RASSF3: variants seen among roughly 807,000 people sequenced by gnomAD.
RASSF3 encodes ras association domain-containing protein 3.
RASSF3 carries 19 observed loss-of-function variants against 19.9 expected under a neutral mutation model. The observed-to-expected ratio is 0.96, with a 90% CI of 0.67 to 1.40. The LOEUF is 1.40. Among genes scored for constraint, RASSF3 ranks in the 40% most tolerant of loss-of-function variants. RASSF3 has a pLI of 0.00. For missense variants in RASSF3, 306 were observed against 289.8 expected (o/e 1.06, Z -0.41); for synonymous variants, 110 against 104.2 (o/e 1.06, Z -0.34).
chr12:64,660,167 C>T (rs1189572127), intron 1 of RASSF3, among the ~76,000 whole-genome samples: 2 of 152,126 alleles, frequency 1.3e-5, no homozygotes, highest in African/African-American at 4.8e-5. Context: ...ATCCGCCCGC[C>T]TCTGCCTCAA....
intron 1 of RASSF3, among the ~76,000 whole-genome samples, chr12:64,644,465 A>G (rs902433150): frequency 2.0e-5 from 3 of 152,102 alleles, no homozygotes; most frequent in South Asian, 2.1e-4. Context: ...GGAGGCCGAG[A>G]TGGGCAGATC....
At position 64,684,875 on chromosome 12, in the gene RASSF3, A is replaced by T. The variant is rs768491580; in HGVS notation, c.200A>T (p.Asp67Val). The T allele has an allele frequency of 6.2e-7, 1 of 1,609,788 alleles. No individual in the cohort carries two copies. The highest frequency in any genetic ancestry group is 8.5e-7 in the Non-Finnish European group (1 of 1,176,176). ...CATAAATACAACTTAGCAGTCACAG[A>T]CAAGTTGAAGATGACCTTGGTAAGC... The part of the protein sequence containing the change: ...KVHKYNLAVT[D>V]KLKMTLNSNG... The change falls in exon 2 of 5, where the codon GAC (aspartate) becomes GTC (valine). Residue 67 changes from aspartate to valine, a missense_variant. Transcript: ENST00000542104.
chr12:64,610,202 T>C (rs1870285939), upstream of RASSF3, among the ~76,000 whole-genome samples: 1 of 152,034 alleles, frequency 6.6e-6, no homozygotes, highest in South Asian at 2.1e-4. Context: ...GCAGAGGAAT[T>C]TGCAGTTTCC....
intron 1 of RASSF3, among the ~76,000 whole-genome samples, chr12:64,675,046 C>CG (rs1565868121): frequency 1.5e-5 from 1 of 67,504 alleles, no homozygotes; most frequent in African/African-American, 7.4e-5. Flanking sequence ...ACCCACCTAG[C>CG]CCCCCCCCCC....
At chr12:64,625,944 G>A (rs548914007) in intron 1 of RASSF3, among the ~76,000 whole-genome samples, 2 of 152,204 alleles carry the variant, frequency 1.3e-5, no homozygotes, top group East Asian at 3.9e-4. Context: ...GAACCCGGTG[G>A]GAAACCTCTT....
At chr12:64,694,673 C>A in intron 4 of RASSF3, 90 bp from the exon 5 acceptor site, 2 of 1,411,030 alleles carry the variant, frequency 1.4e-6, no homozygotes, top group Non-Finnish European at 9.8e-7. Context: ...GAGGGGAGGG[C>A]AGCCGCACCT....
chr12:64,662,232 A>G (rs1362557265), intron 1 of RASSF3, among the ~76,000 whole-genome samples: 2 of 146,154 alleles, frequency 1.4e-5, no homozygotes, highest in Non-Finnish European at 3.0e-5. Flanking sequence ...CAGCCTGGTC[A>G]ACATGGTGAA....
intron 2 of RASSF3, among the ~76,000 whole-genome samples, chr12:64,563,951 T>A (rs557609992): frequency 3.9e-4 from 59 of 152,214 alleles, no homozygotes; most frequent in Non-Finnish European, 7.9e-4. Context: ...GCGAAGGGGC[T>A]CTGTCTGTTT....
chr12:64,637,616 G>C (rs1871367864), intron 1 of RASSF3, among the ~76,000 whole-genome samples: 1 of 151,500 alleles, frequency 6.6e-6, no homozygotes, highest in African/African-American at 2.4e-5. Flanking sequence ...TTTTAGTAGA[G>C]ACAGGGTTTC....
intron 1 of RASSF3, among the ~76,000 whole-genome samples, chr12:64,618,172 A>G (rs1870617573): frequency 6.6e-6 from 1 of 152,146 alleles, no homozygotes; most frequent in Non-Finnish European, 1.5e-5. Context: ...TGTTATTCAC[A>G]GGCATGATAA....
chr12:64,622,636 G>A (rs368872280), intron 1 of RASSF3: 5 of 357,952 alleles, frequency 1.4e-5, no homozygotes, highest in African/African-American at 8.9e-5. Context: ...GTAGAAAATT[G>A]TTGCTTAATC....
intron 2 of RASSF3, among the ~76,000 whole-genome samples, chr12:64,565,835 A>G (rs1869420629): frequency 6.6e-6 from 1 of 150,770 alleles, no homozygotes. Context: ...CTGAAGCGAG[A>G]TCTCGCCACT....
At chr12:64,684,746 T>G in intron 1 of RASSF3, 41 bp from the exon 2 acceptor site, 9 of 1,438,058 alleles carry the variant, frequency 6.3e-6, no homozygotes, top group Non-Finnish European at 6.9e-6. Context: ...GCACTTTTTT[T>G]TATGATTGCT....
At chr12:64,548,065 C>T (rs1869099293) in intron 2 of RASSF3, among the ~76,000 whole-genome samples, 1 of 152,076 alleles carries the variant, frequency 6.6e-6, no homozygotes, top group Non-Finnish European at 1.5e-5. Context: ...ACAATGTGAC[C>T]ATGTTTCCTG....
At chr12:64,597,141 T>TG (rs2136143367) in intron 2 of RASSF3, among the ~76,000 whole-genome samples, 1 of 151,574 alleles carries the variant, frequency 6.6e-6, no homozygotes, top group South Asian at 2.1e-4. Context: ...TATTTTTTAA[T>TG]TTTTTTCCTG....
chr12:64,688,405 A>G lies in RASSF3; in HGVS notation c.409A>G (p.Ser137Gly), dbSNP rs1465297099. 4 of 1,614,182 alleles carry G rather than the reference A, an allele frequency of 2.5e-6. No homozygotes were observed. In the Admixed American group the frequency reaches 6.7e-5, roughly 27 times the overall value. ...GCTCAAAAAGTTTCTCGTGACTGAG[A>G]GCCCTGCCAAGTTTGCACTTTATAA... Reference protein sequence around the residue: ...ALLKKFLVTESPAKFALYKRC... With the variant: ...ALLKKFLVTEGPAKFALYKRC... Residue 137 changes from serine to glycine, a missense_variant, in exon 3 of 5, where the codon AGC becomes GGC. Transcript: ENST00000542104.
intron 1 of RASSF3, among the ~76,000 whole-genome samples, chr12:64,640,559 G>C (rs1209739121): frequency 6.6e-6 from 1 of 152,114 alleles, no homozygotes; most frequent in Non-Finnish European, 1.5e-5. Flanking sequence ...TGCAGTATTT[G>C]TCCTTCTGTG....
intron 2 of RASSF3, among the ~76,000 whole-genome samples, chr12:64,551,746 C>T (rs575377190): frequency 1.3e-5 from 2 of 152,274 alleles, no homozygotes; most frequent in South Asian, 4.1e-4. Flanking sequence ...TCGTATTTGT[C>T]CATTTAGCCT....
At chr12:64,583,576 T>C (rs570494032) in intron 2 of RASSF3, among the ~76,000 whole-genome samples, 7 of 152,278 alleles carry the variant, frequency 4.6e-5, no homozygotes, top group Admixed American at 4.6e-4. Flanking sequence ...GAGCCAAGAT[T>C]GCGCCATTGC....
Sources: allele counts gnomAD v4.1 joint callset (sites outside exome capture counted in the v4.1 genomes callset), GRCh38; gene constraint gnomAD v4.1.1; transcripts MANE v1.5; gene names NCBI Gene and HGNC (gene_info 2026-07-23, HGNC 2026-07-21).